NRXN3: variants seen among roughly 807,000 people sequenced by gnomAD.
The protein encoded by NRXN3 is neurexin 3.
NRXN3 carries 32 observed loss-of-function variants against 137.6 expected under a neutral mutation model. That is an observed-to-expected ratio of 0.23 (90% CI 0.18 to 0.31). The LOEUF (loss-of-function observed/expected upper bound fraction) is 0.31. Among genes scored for constraint, NRXN3 ranks in the 10% least tolerant of loss-of-function variants. The pLI is 1.00. For missense variants in NRXN3, 1,574 were observed against 2,062.5 expected (o/e 0.76, Z 4.59); for synonymous variants, 798 against 784.5 (o/e 1.02, Z -0.29).
At position 78,617,325 on chromosome 14, in the gene NRXN3, G is replaced by A. The variant is rs73326173; in HGVS notation, c.758-27795G>A. Among the ~76,000 whole-genome samples, 620 of 152,276 alleles carry A rather than the reference G, an allele frequency of 4.1e-3. 3 individuals carry two copies. Among genetic ancestry groups the A allele is most frequent in the African/African-American group, 0.014 (581 of 41,546 alleles). ...GAGAGAATACACATCTCCATCCCAC[G>A]TGACCCATAGAGATGACCCATAGGG... On this transcript the variant is annotated intron_variant, in intron 4 of 20. Coordinates refer to ENST00000335750, the MANE Select transcript of NRXN3 (RefSeq NM_001330195.2).
chr14:79,224,784 G>A (rs917654516), intron 15 of NRXN3, among the ~76,000 whole-genome samples: 1 of 152,126 alleles, frequency 6.6e-6, no homozygotes. Context: ...ACATGAGGAA[G>A]ATGGCCAGTA....
chr14:78,364,424 C>T (rs774744994), intron 4 of NRXN3, among the ~76,000 whole-genome samples: 3 of 152,198 alleles, frequency 2.0e-5, no homozygotes, highest in Middle Eastern at 3.4e-3. Context: ...AAAAACAAGG[C>T]GTGCCTATTG....
At position 79,768,345 on chromosome 14, in the gene NRXN3, A is replaced by T. The variant is rs530747260; in HGVS notation, c.4015-36767A>T. ...GGGCACACACAAACAAAAAGACAGC[A>T]GTAACCTCTGCAGACTTAAGTATCC... On this transcript the variant is annotated intron_variant, in intron 19 of 20. Transcript: ENST00000335750. Among the ~76,000 whole-genome samples the T allele has an allele frequency of 2.0e-5, 3 of 152,350 alleles. No individual in the cohort carries two copies. In the East Asian group the frequency reaches 5.8e-4, roughly 29 times the overall value.
intron 1 of NRXN3, among the ~76,000 whole-genome samples, chr14:78,182,293 T>C (rs2059879036): frequency 6.6e-6 from 1 of 152,096 alleles, no homozygotes; most frequent in Non-Finnish European, 1.5e-5. Context: ...GTGCCCAGTC[T>C]GGAACTAAAA....
intron 6 of NRXN3, among the ~76,000 whole-genome samples, chr14:78,668,499 T>C (rs997978294): frequency 2.6e-5 from 4 of 152,086 alleles, no homozygotes; most frequent in Admixed American, 2.0e-4. Context: ...TTGTTGAAAC[T>C]AGGGTGGAGG....
chr14:79,702,395 T>C (rs1419606821), intron 19 of NRXN3, among the ~76,000 whole-genome samples: 1 of 151,976 alleles, frequency 6.6e-6, no homozygotes, highest in Non-Finnish European at 1.5e-5. Flanking sequence ...CTCTTTGTGC[T>C]GGGGATGGCA....
chr14:79,272,911 G>A (rs2079575840), intron 15 of NRXN3, among the ~76,000 whole-genome samples: 1 of 152,272 alleles, frequency 6.6e-6, no homozygotes, highest in East Asian at 1.9e-4. Context: ...GGTGGCTCAC[G>A]CCTGTAATCC....
chr14:79,472,577 GA>G (rs1401478970), intron 16 of NRXN3, among the ~76,000 whole-genome samples: 1 of 152,186 alleles, frequency 6.6e-6, no homozygotes, highest in Non-Finnish European at 1.5e-5. Context: ...TGCATGAAAT[GA>G]GATTCTGTAG....
chr14:78,647,722 G>A (rs532071503), intron 5 of NRXN3, among the ~76,000 whole-genome samples: 1 of 152,304 alleles, frequency 6.6e-6, no homozygotes, highest in South Asian at 2.1e-4. Flanking sequence ...TTTATTGAAA[G>A]AGGAAAATCT....
At chr14:78,947,463 C>A (rs1411348337) in intron 10 of NRXN3, among the ~76,000 whole-genome samples, 1 of 152,204 alleles carries the variant, frequency 6.6e-6, no homozygotes, top group African/African-American at 2.4e-5. Flanking sequence ...ATGGGATATT[C>A]ATCCAGAATA....
At chr14:78,494,872 C>T (rs938671817) in intron 4 of NRXN3, among the ~76,000 whole-genome samples, 12 of 144,162 alleles carry the variant, frequency 8.3e-5, no homozygotes, top group South Asian at 2.3e-4. Context: ...GCCTGAGATG[C>T]CTCAGAGTGA....
chr14:78,792,829 G>GT (rs1595902040), intron 8 of NRXN3, among the ~76,000 whole-genome samples: 1 of 152,250 alleles, frequency 6.6e-6, no homozygotes, highest in East Asian at 1.9e-4. Flanking sequence ...TAACTCAAAT[G>GT]TAAACAGCAC....
chr14:78,659,911 C>A (rs1407592560), intron 6 of NRXN3, among the ~76,000 whole-genome samples: 1 of 152,024 alleles, frequency 6.6e-6, no homozygotes, highest in African/African-American at 2.4e-5. Flanking sequence ...GATTCCCATT[C>A]CCCTGGCTGT....
At chr14:79,296,464 G>C (rs1410790603) in intron 15 of NRXN3, among the ~76,000 whole-genome samples, 1 of 150,768 alleles carries the variant, frequency 6.6e-6, no homozygotes, top group Non-Finnish European at 1.5e-5. Context: ...AAAAAAACCA[G>C]ATGTTCCAGA....
At chr14:78,261,201 C>T (rs2070663202) in intron 2 of NRXN3, among the ~76,000 whole-genome samples, 1 of 152,188 alleles carries the variant, frequency 6.6e-6, no homozygotes, top group South Asian at 2.1e-4. Context: ...GTGACTGAAC[C>T]TTGTCCTCGG....
chr14:78,945,374 T>C (rs886486772), intron 10 of NRXN3, among the ~76,000 whole-genome samples: 1 of 152,202 alleles, frequency 6.6e-6, no homozygotes, highest in African/African-American at 2.4e-5. Context: ...TTATTCATTT[T>C]CTGTGTACTC....
intron 4 of NRXN3, among the ~76,000 whole-genome samples, chr14:78,443,446 C>T (rs2094321324): frequency 6.6e-6 from 1 of 152,124 alleles, no homozygotes; most frequent in Non-Finnish European, 1.5e-5. Context: ...TCTAAAATCC[C>T]AGTGAAAGGA....
chr14:78,277,108 G>C (rs1181134772), intron 2 of NRXN3, among the ~76,000 whole-genome samples: 1 of 152,192 alleles, frequency 6.6e-6, no homozygotes, highest in African/African-American at 2.4e-5. Context: ...GGCTAGAGAA[G>C]TGCTCAGCTG....
chr14:79,048,827 A>T (rs2099636893), intron 15 of NRXN3, among the ~76,000 whole-genome samples: 1 of 149,810 alleles, frequency 6.7e-6, no homozygotes, highest in Admixed American at 6.7e-5. Flanking sequence ...GATCGAGACC[A>T]TCCTGGCTAA....
Sources: gnomAD v4.1 joint callset for allele counts (sites outside exome capture counted in the v4.1 genomes callset) on GRCh38, gnomAD v4.1.1 for gene constraint, MANE v1.5 for transcripts, NCBI Gene and HGNC (gene_info 2026-07-23, HGNC 2026-07-21) for gene names.